DPY30: variants seen among roughly 807,000 people sequenced by gnomAD.
DPY30 encodes dpy-30 histone methyltransferase complex regulatory subunit.
A neutral mutation model predicts 16.2 loss-of-function variants in DPY30; 6 were observed. The observed-to-expected ratio is 0.37, with a 90% CI of 0.20 to 0.73. The LOEUF (loss-of-function observed/expected upper bound fraction) is 0.73, where lower values mean the gene tolerates loss of function less well. Among genes scored for constraint, DPY30 ranks in the 30% least tolerant of loss-of-function variants. The pLI is 0.51. For missense variants in DPY30, 73 were observed against 113.1 expected (o/e 0.65, Z 1.61); for synonymous variants, 39 against 38.8 (o/e 1.00, Z -0.02).
chr2:32,021,794 G>A (rs1441813383), downstream of DPY30, among the ~76,000 whole-genome samples: 1 of 151,756 alleles, frequency 6.6e-6, no homozygotes, highest in East Asian at 1.9e-4. Flanking sequence ...TACAAAATTT[G>A]TATTTTTATA....
rs549032910 is a variant in DPY30 at position 32,014,609 on chromosome 2, G to A, written n.378-2557C>T. Among the ~76,000 whole-genome samples, 737 of 151,522 alleles carry A rather than the reference G, an allele frequency of 4.9e-3. 3 individuals are homozygous for A. Among genetic ancestry groups the A allele is most frequent in the Middle Eastern group, 6.8e-3 (2 of 292 alleles). ...TGCCATTCTCCTGCCTCAGCCTCCC[G>A]CGTAGCTGGGACTACAGGCGCCCAC... On this transcript the variant is annotated intron_variant and non_coding_transcript_variant, in intron 5 of 5. Coordinates refer to the DPY30 transcript ENST00000414013.
At chr2:32,033,063 T>A (rs1215017816) in intron 3 of DPY30, among the ~76,000 whole-genome samples, 1 of 146,656 alleles carries the variant, frequency 6.8e-6, no homozygotes, top group East Asian at 2.1e-4. Flanking sequence ...GTAATCCCAG[T>A]ACTTTGGGAG....
At chr2:32,012,351 TG>T (rs1391015726) in intron 5 of DPY30, among the ~76,000 whole-genome samples, 1 of 150,074 alleles carries the variant, frequency 6.7e-6, no homozygotes, top group African/African-American at 2.4e-5. Flanking sequence ...TCCACCAACT[TG>T]CACAAAACAT....
At chr2:32,030,589 C>A (rs1469151688) in intron 3 of DPY30, among the ~76,000 whole-genome samples, 2 of 149,458 alleles carry the variant, frequency 1.3e-5, no homozygotes, top group African/African-American at 5.0e-5. Flanking sequence ...GAGATCGCGC[C>A]ACCACACTCC....
At chr2:32,014,429 A>C (rs1207766875) in intron 5 of DPY30, among the ~76,000 whole-genome samples, 31 of 152,172 alleles carry the variant, frequency 2.0e-4, no homozygotes. Context: ...TTGAGACTGC[A>C]ATGAGCTATG....
intron 3 of DPY30, among the ~76,000 whole-genome samples, chr2:32,032,999 AAAAT>A (rs1403677599): frequency 6.8e-6 from 1 of 148,084 alleles, no homozygotes; most frequent in African/African-American, 2.5e-5. Flanking sequence ...CCATCTCAAA[AAAAT>A]AATAATAACT....
At chr2:32,035,935 A>C (rs1408717861) in intron 3 of DPY30, among the ~76,000 whole-genome samples, 2 of 149,616 alleles carry the variant, frequency 1.3e-5, no homozygotes, top group African/African-American at 4.9e-5. Context: ...TCAGTCTCGA[A>C]GAAAAAAAAA....
At position 32,039,402 on chromosome 2, in the gene DPY30, A is replaced by G; in HGVS notation, c.36+19T>C. ...GCCTCCCTGCACACCGCCACCCTGAATCCACGGCCTCCTGATACCTGCGTT... is the reference window on the plus strand; with the variant it reads ...GCCTCCCTGCACACCGCCACCCTGAGTCCACGGCCTCCTGATACCTGCGTT... On this transcript the variant is annotated intron_variant, in intron 2 of 4. Transcript: ENST00000342166. 6.2e-7 allele frequency: 1 copy of G among 1,614,010 alleles called. No homozygotes were observed. Among genetic ancestry groups the G allele is most frequent in the Non-Finnish European group, 8.5e-7 (1 of 1,179,978 alleles).
chr2:32,038,725 C>T (rs946606889), intron 3 of DPY30, among the ~76,000 whole-genome samples: 2 of 146,610 alleles, frequency 1.4e-5, no homozygotes, highest in Non-Finnish European at 3.0e-5. Flanking sequence ...TCTCAGCTCA[C>T]TGCAACCTGT....
intron 3 of DPY30, among the ~76,000 whole-genome samples, chr2:32,032,402 A>C (rs1363029189): frequency 6.6e-6 from 1 of 152,220 alleles, no homozygotes; most frequent in African/African-American, 2.4e-5. Flanking sequence ...ATTTCTGAAA[A>C]CTGACAGTAT....
intron 3 of DPY30, among the ~76,000 whole-genome samples, chr2:32,035,698 C>T (rs1160251370): frequency 2.0e-5 from 3 of 151,832 alleles, no homozygotes; most frequent in Non-Finnish European, 4.4e-5. Context: ...CTTTGGGAGG[C>T]TGAGGCAGGC....
intron 4 of DPY30, among the ~76,000 whole-genome samples, chr2:32,027,771 G>T (rs1675387890): frequency 1.3e-5 from 2 of 151,518 alleles, no homozygotes; most frequent in African/African-American, 4.8e-5. Context: ...TGGGCCTACA[G>T]GCACCTGCCA....
intron 5 of DPY30, chr2:32,012,128 G>C (rs1038045042): frequency 2.0e-5 from 3 of 152,138 alleles, no homozygotes; most frequent in South Asian, 2.1e-4. Flanking sequence ...TTCCAGAGTA[G>C]ATGACTGGCT....
At chr2:32,016,144 C>T (rs1675060882) in intron 5 of DPY30, among the ~76,000 whole-genome samples, 1 of 152,194 alleles carries the variant, frequency 6.6e-6, no homozygotes, top group Admixed American at 6.5e-5. Context: ...TGGTGATCTG[C>T]CTGCCTCGGC....
At chr2:32,023,808 T>C, downstream of DPY30, 3 of 1,307,522 alleles carry the variant, frequency 2.3e-6, no homozygotes, top group East Asian at 5.4e-5. Context: ...GTTGTAAAAC[T>C]CTGCAGCATT....
rs146402714 is a variant in DPY30, at chr2:32,027,908, G to A, written c.227+1686C>T. The stretch of plus-strand genomic sequence containing the variant: ...CTCCCAAAGTGTTGGGATTACAGGC[G>A]TGAGCCACCACGCCCGGCCCAAGAT... On this transcript the variant is annotated intron_variant, in intron 4 of 4. Coordinates refer to ENST00000342166, the MANE Select transcript of DPY30 (RefSeq NM_001321209.2). Among the ~76,000 whole-genome samples, 777 of 151,948 alleles carry A rather than the reference G, an allele frequency of 5.1e-3. 5 individuals carry two copies. Among genetic ancestry groups the A allele is most frequent in the African/African-American group, 0.017 (710 of 41,454 alleles).
At chr2:32,027,626 C>CA (rs1675380913) in intron 4 of DPY30, among the ~76,000 whole-genome samples, 1 of 146,726 alleles carries the variant, frequency 6.8e-6, no homozygotes, top group Non-Finnish European at 1.5e-5. Flanking sequence ...CCAAGATACC[C>CA]ATTTTTTTTT....
downstream of DPY30, among the ~76,000 whole-genome samples, chr2:32,019,835 A>T (rs6711557): frequency 0.11 from 13,010 of 121,472 alleles, 645 homozygotes; most frequent in African/African-American, 0.13. Flanking sequence ...AAAAAAAAAA[A>T]ATATATATAT....
At chr2:32,017,755 T>G (rs1675092100) in intron 5 of DPY30, among the ~76,000 whole-genome samples, 1 of 152,234 alleles carries the variant, frequency 6.6e-6, no homozygotes, top group Non-Finnish European at 1.5e-5. Context: ...GTAATTTAAT[T>G]AAACATTACA....
Sources: gnomAD v4.1 joint callset for allele counts (sites outside exome capture counted in the v4.1 genomes callset) on GRCh38, gnomAD v4.1.1 for gene constraint, MANE v1.5 for transcripts, NCBI Gene and HGNC (gene_info 2026-07-23, HGNC 2026-07-21) for gene names.